Variants in PCDH10 observed in about 807,000 individuals in gnomAD.
The protein encoded by PCDH10 is protocadherin-10.
PCDH10 carries 15 observed loss-of-function variants against 74.4 expected under a neutral mutation model. The observed-to-expected ratio is 0.20, with a 90% CI of 0.13 to 0.31. PCDH10 has a LOEUF of 0.31. Ranked by LOEUF, PCDH10 falls within the 10% of genes least tolerant of loss-of-function variation. PCDH10 has a pLI of 1.00. For synonymous variants in PCDH10, 619 were observed against 589.8 expected, an observed-to-expected ratio of 1.05 and a Z score of -0.72; for missense variants, 1,260 against 1,390.2, an observed-to-expected ratio of 0.91 and a Z score of 1.49.
chr4:133,152,912 C>T lies in PCDH10; in HGVS notation c.2631+141C>T. 5 of 1,461,366 alleles carry T rather than the reference C, an allele frequency of 3.4e-6. No homozygotes were observed. In the South Asian group the frequency reaches 7.3e-5, roughly 21 times the overall value. The allele number at this position is 1,461,366 out of a possible 1,614,324, so 90.5% of individuals were successfully genotyped here. ...GTATCGTTGTGGGAGCAGAGATGGG[C>T]GGTCACCTTCTCCCACTCCTTCGTG... is the stretch of plus-strand genomic sequence containing the variant. On this transcript the variant is annotated intron_variant, in intron 1 of 4. Transcript: ENST00000264360.
rs200419038 is a variant in PCDH10 at position 133,199,787 on chromosome 4, C to CTATTATTAT, written n.438-8272_438-8264dup. On this transcript the variant is annotated intron_variant and non_coding_transcript_variant, in intron 2 of 2. Coordinates refer to the PCDH10 transcript ENST00000511112. Reference sequence around the variant, plus strand: ...ATTATTATTATTATTATTATTATTACTATTATTATTATTATTATTATTATT... The same window carrying CTATTATTAT: ...ATTATTATTATTATTATTATTATTACTATTATTATTATTATTATTATTATTATTATTATT... 3.3e-3 allele frequency among the ~76,000 whole-genome samples: 450 copies of CTATTATTAT among 135,690 alleles called. 2 individuals are homozygous for CTATTATTAT. The highest frequency in any genetic ancestry group is 0.01 in the South Asian group (46 of 4,536). The allele number at this position is 135,690 out of a possible 152,430, so 89.0% of individuals were successfully genotyped here.
intron 4 of PCDH10, among the ~76,000 whole-genome samples, chr4:133,178,316 A>G (rs1192542159): frequency 1.3e-5 from 2 of 151,762 alleles, no homozygotes; most frequent in African/African-American, 4.8e-5. Flanking sequence ...GGCTCACTGC[A>G]ACCTCTGCCT....
At chr4:133,154,270 C>G in intron 1 of PCDH10, 37 bp from the exon 2 acceptor site, 8 of 1,369,710 alleles carry the variant, frequency 5.8e-6, no homozygotes, top group Non-Finnish European at 8.3e-6. Flanking sequence ...CAACCCATAG[C>G]ATTCAAATGC....
In PCDH10 at chr4:133,190,203, A is replaced by C. The variant is rs1237642019; in HGVS notation, c.*43A>C. 3.2e-6 allele frequency: 5 copies of C among 1,580,466 alleles called. No homozygotes were observed. Among genetic ancestry groups the C allele is most frequent in the Non-Finnish European group, 4.3e-6 (5 of 1,149,540 alleles). On this transcript the variant is annotated 3_prime_UTR_variant, in exon 5 of 5. Transcript: ENST00000264360. ...ACCTGAAGCAGCATGATTTGCACAAAGTCGACCAACAAAAGCATCAACTTT... is the reference window on the plus strand; with the variant it reads ...ACCTGAAGCAGCATGATTTGCACAACGTCGACCAACAAAAGCATCAACTTT...
chr4:133,208,580 A>T (rs1490055306), exon 3 of PCDH10: 2 of 152,204 alleles, frequency 1.3e-5, no homozygotes, highest in South Asian at 2.1e-4. Context: ...GGCTTAAAAA[A>T]AATAAAGCTG....
At chr4:133,184,775 TATATATATAA>T (rs1353673438) in intron 4 of PCDH10, among the ~76,000 whole-genome samples, 3 of 138,468 alleles carry the variant, frequency 2.2e-5, no homozygotes, top group African/African-American at 5.4e-5. Context: ...AATATATAAA[TATATATATAA>T]ATATATATAT....
chr4:133,151,287 A>G lies in PCDH10; in HGVS notation c.1147A>G (p.Thr383Ala). 5 of 1,614,054 alleles carry G rather than the reference A, an allele frequency of 3.1e-6. No individual in the cohort carries two copies. Among genetic ancestry groups the G allele is most frequent in the Non-Finnish European group, 4.2e-6 (5 of 1,180,020 alleles). Residue 383 changes from threonine to alanine, a missense_variant, in exon 1 of 5, where the codon ACT (threonine) becomes GCT (alanine). This residue lies in a region of PCDH10 where 112 missense variants were observed against 123.6 expected (regional missense o/e 0.91). Transcript: ENST00000264360. The stretch of plus-strand genomic sequence containing the variant: ...CACTGTGGTGGCCCTTTTCAGCGTG[A>G]CTGACCGCGACTCAGAGGAGAATGG... ...PGTVVALFSV[T>A]DRDSEENGQV... is the part of the protein sequence containing the mutation.
intron 4 of PCDH10, among the ~76,000 whole-genome samples, chr4:133,189,832 A>G (rs112554512): frequency 6.6e-6 from 1 of 152,228 alleles, no homozygotes; most frequent in African/African-American, 2.4e-5. Flanking sequence ...GTGCATAAAT[A>G]GTGAAGTGTA....
chr4:133,176,691 G>A (rs1007802619), intron 4 of PCDH10, among the ~76,000 whole-genome samples: 1 of 151,982 alleles, frequency 6.6e-6, no homozygotes, highest in East Asian at 1.9e-4. Context: ...GAAAACAATG[G>A]AACAGATATT....
Position 133,173,522 on chromosome 4 carries a change from G to A in PCDH10, c.3103+10240G>A, listed in dbSNP as rs146555456. Among the ~76,000 whole-genome samples, 488 of 152,012 alleles carry A rather than the reference G, an allele frequency of 3.2e-3. 1 individual carries two copies. Among genetic ancestry groups the A allele is most frequent in the African/African-American group, 0.01 (430 of 41,514 alleles). On this transcript the variant is annotated intron_variant, in intron 4 of 4. Transcript: ENST00000264360. The stretch of plus-strand genomic sequence containing the variant: ...CATCTGTGATTTGGTGAAATATCAC[G>A]TTCTAGCTGTGCATTGTATTTTCCC...
chr4:133,160,512 A>G (rs141052209), intron 3 of PCDH10, among the ~76,000 whole-genome samples: 123 of 151,470 alleles, frequency 8.1e-4, no homozygotes, highest in Middle Eastern at 3.4e-3. Context: ...AAACTCAAAT[A>G]ATCGAAAGAG....
At position 133,152,670 on chromosome 4, in the gene PCDH10, C is replaced by A; in HGVS notation, c.2530C>A (p.Arg844=). The change falls in exon 1 of 5, where the codon CGG becomes AGG. Residue 844 remains arginine (R), a synonymous_variant. Transcript: ENST00000264360. ...GTTTCTTAAGCCCTGCAGCCCTTCG[C>A]GGAGTACGGACACTGAGCACAACCC... ...LMFLKPCSPS[R]STDTEHNPCG... 1 of 1,614,192 alleles carries A rather than the reference C, an allele frequency of 6.2e-7. No individual in the cohort carries two copies. Among genetic ancestry groups the A allele is most frequent in the Non-Finnish European group, 8.5e-7 (1 of 1,180,038 alleles).
At chr4:133,179,367 G>A (rs1727362193) in intron 4 of PCDH10, among the ~76,000 whole-genome samples, 3 of 152,210 alleles carry the variant, frequency 2.0e-5, no homozygotes, top group South Asian at 2.1e-4. Flanking sequence ...CTCTGTTGAA[G>A]CCACAATAAC....
chr4:133,174,303 T>A (rs887155430), intron 4 of PCDH10, among the ~76,000 whole-genome samples: 1 of 152,014 alleles, frequency 6.6e-6, no homozygotes. Flanking sequence ...CTATCTGGAG[T>A]TGATATTTGG....
chr4:133,151,351 G>T lies in PCDH10; in HGVS notation c.1211G>T (p.Arg404Leu). 3 of 1,614,130 alleles carry T rather than the reference G, an allele frequency of 1.9e-6. No homozygotes were observed. The highest frequency in any genetic ancestry group is 2.2e-5 in the South Asian group (2 of 91,088). ...GAGCTACTGGGAGACGTGCCTTTCC[G>T]CCTCAAGTCTTCCTTTAAGAATTAC... Reference protein sequence around the residue: ...QCELLGDVPFRLKSSFKNYYT... With the variant: ...QCELLGDVPFLLKSSFKNYYT... Residue 404 changes from arginine (R) to leucine (L), a missense_variant, in exon 1 of 5, where the codon CGC (arginine) becomes CTC (leucine). By Grantham distance (102) the Arg-to-Leu change is moderately radical. Coordinates refer to ENST00000264360, the MANE Select transcript of PCDH10 (RefSeq NM_032961.3).
chr4:133,153,751 T>C (rs1011016598), intron 1 of PCDH10: 4 of 152,560 alleles, frequency 2.6e-5, no homozygotes, highest in African/African-American at 9.6e-5. Flanking sequence ...GGCAGGATTA[T>C]GAACTCCTTT....
downstream of PCDH10, chr4:133,194,836 A>T (rs1268108942): frequency 1.3e-5 from 2 of 151,986 alleles, no homozygotes; most frequent in Non-Finnish European, 2.9e-5. Flanking sequence ...GAAAGTAGAC[A>T]TTTAGTTGTA....
chr4:133,199,973 T>G (rs1727871440), intron 2 of PCDH10, among the ~76,000 whole-genome samples: 2 of 151,134 alleles, frequency 1.3e-5, no homozygotes, highest in South Asian at 4.2e-4. Flanking sequence ...AATTTTTTTG[T>G]ATTTTTATTA....
In PCDH10 at chr4:133,191,686, A is replaced by G. The variant is rs1334341125; in HGVS notation, c.*1526A>G. 6.6e-6 allele frequency: 1 copy of G among 151,812 alleles called. No homozygotes were observed. Among genetic ancestry groups the G allele is most frequent in the Non-Finnish European group, 1.5e-5 (1 of 67,708 alleles). 9.4% of individuals were successfully genotyped at this position (151,812 alleles called of 1,614,324 possible). Reference sequence around the variant, plus strand: ...TAAGATAATCTTTCAAGCAAAAAACAGAATTGTCACAGCTCCCCTCGCCCT... The same window carrying G: ...TAAGATAATCTTTCAAGCAAAAAACGGAATTGTCACAGCTCCCCTCGCCCT... On this transcript the variant is annotated 3_prime_UTR_variant, in exon 5 of 5. Transcript: ENST00000264360.
Sources: gnomAD v4.1 joint callset for allele counts (sites outside exome capture counted in the v4.1 genomes callset) on GRCh38, gnomAD v4.1.1 for gene constraint, gnomAD v4.1.1 regional missense constraint, MANE v1.5 for transcripts, NCBI Gene and HGNC (gene_info 2026-07-23, HGNC 2026-07-21) for gene names.